Variants in COL25A1 observed in about 807,000 individuals in gnomAD.
The protein encoded by COL25A1 is collagen alpha-1(XXV) chain.
A neutral mutation model predicts 128.4 loss-of-function variants in COL25A1; 103 were observed. That is an observed-to-expected ratio of 0.80 (90% CI 0.68 to 0.94). COL25A1 has a LOEUF of 0.94. Ranked by LOEUF, COL25A1 falls within the 40% of genes least tolerant of loss-of-function variation. The probability of loss-of-function intolerance (pLI) is 0.00; values close to 1 mark genes in which losing one functional copy is unlikely to be tolerated. For missense variants in COL25A1, 745 were observed against 840.0 expected (o/e 0.89, Z 1.40); for synonymous variants, 279 against 277.2 (o/e 1.01, Z -0.06).
intron 3 of COL25A1, among the ~76,000 whole-genome samples, chr4:109,211,319 TA>T (rs1777538792): frequency 7.6e-6 from 1 of 131,496 alleles, no homozygotes. Context: ...TATATATATA[TA>T]TATATATATG....
At chr4:109,010,322 A>G (rs758482431) in intron 6 of COL25A1, 36 bp downstream of exon 6, 4 of 1,540,082 alleles carry the variant, frequency 2.6e-6, no homozygotes, top group African/African-American at 2.8e-5. Flanking sequence ...GAAAATCCTA[A>G]ATTGAAAATA....
At chr4:108,842,431 C>T (rs920864810) in intron 30 of COL25A1, among the ~76,000 whole-genome samples, 4 of 152,152 alleles carry the variant, frequency 2.6e-5, no homozygotes, top group African/African-American at 9.7e-5. Flanking sequence ...TCTAAATATA[C>T]AGACTAGTCA....
chr4:109,118,484 A>G (rs1425848693), intron 3 of COL25A1, among the ~76,000 whole-genome samples: 1 of 152,030 alleles, frequency 6.6e-6, no homozygotes, highest in Non-Finnish European at 1.5e-5. Context: ...TATAATTATT[A>G]CTTGTCAATT....
chr4:109,178,496 A>G (rs1332659704), intron 3 of COL25A1, among the ~76,000 whole-genome samples: 3 of 152,128 alleles, frequency 2.0e-5, no homozygotes, highest in African/African-American at 7.2e-5. Flanking sequence ...AGGACAAACT[A>G]TCTGATCTCT....
Position 108,840,109 on chromosome 4 carries a change from G to T in COL25A1, c.1656+1586C>A, listed in dbSNP as rs374930578. On this transcript the variant is annotated intron_variant, in intron 31 of 37. Transcript: ENST00000399132. The stretch of plus-strand genomic sequence containing the variant: ...ATACAAAAATTAGCCGGGCATGGTG[G>T]TGGGTGCCTGTAATCCCAGCTACTT... Among the ~76,000 whole-genome samples the T allele has an allele frequency of 2.0e-5, 3 of 151,974 alleles. No individual in the cohort carries two copies. In the East Asian group the frequency reaches 5.8e-4, roughly 29 times the overall value.
chr4:108,899,741 A>G (rs1453181627), intron 14 of COL25A1, among the ~76,000 whole-genome samples: 1 of 152,086 alleles, frequency 6.6e-6, no homozygotes. Flanking sequence ...CATGTTCCAG[A>G]TCAGGTCTAT....
chr4:108,940,714 A>G (rs1365376814), intron 9 of COL25A1, 68 bp from the exon 10 acceptor site: 2 of 1,017,512 alleles, frequency 2.0e-6, no homozygotes, highest in Non-Finnish European at 2.9e-6. Flanking sequence ...TCTTTTCAGC[A>G]CCTTAAATTT....
chr4:109,151,192 T>C (rs547943812), intron 3 of COL25A1, among the ~76,000 whole-genome samples: 2 of 152,260 alleles, frequency 1.3e-5, no homozygotes, highest in East Asian at 1.9e-4. Context: ...TTTTATCTTA[T>C]ATGAATTTCC....
At chr4:109,075,421 TAAAG>T (rs1318753337) in intron 3 of COL25A1, among the ~76,000 whole-genome samples, 1 of 152,034 alleles carries the variant, frequency 6.6e-6, no homozygotes, top group African/African-American at 2.4e-5. Context: ...TACTTGGAAT[TAAAG>T]ACAAGACATG....
chr4:108,888,319 C>T (rs573129981), intron 18 of COL25A1, among the ~76,000 whole-genome samples: 1 of 152,226 alleles, frequency 6.6e-6, no homozygotes, highest in East Asian at 1.9e-4. Flanking sequence ...TTCTCTCTTC[C>T]CTTTTCTGCT....
intron 3 of COL25A1, among the ~76,000 whole-genome samples, chr4:109,083,448 A>ATTTTTTTTTTTTTTTTTTT (rs60165291): frequency 2.6e-5 from 2 of 77,010 alleles, no homozygotes; most frequent in Non-Finnish European, 4.9e-5. Context: ...CACTAAATAA[A>ATTTTTTTTTTTTTTTTTTT]TTTTTTTTTT....
intron 6 of COL25A1, among the ~76,000 whole-genome samples, chr4:108,979,703 A>G (rs1474297397): frequency 6.6e-6 from 1 of 152,230 alleles, no homozygotes; most frequent in Admixed American, 6.5e-5. Flanking sequence ...ACCTTTTCTG[A>G]TTAATCTATT....
chr4:108,834,829 AGAG>A (rs1485903215), intron 31 of COL25A1, among the ~76,000 whole-genome samples: 2 of 152,266 alleles, frequency 1.3e-5, no homozygotes, highest in African/African-American at 4.8e-5. Context: ...TTAGCATTTC[AGAG>A]GAGAAGAAAG....
chr4:109,188,165 C>G (rs761373753), intron 3 of COL25A1, among the ~76,000 whole-genome samples: 23 of 152,178 alleles, frequency 1.5e-4, no homozygotes, highest in Non-Finnish European at 3.1e-4. Context: ...CCTCCCCTAC[C>G]ATCTCTTTTT....
chr4:108,989,519 G>A (rs533898939), intron 6 of COL25A1, among the ~76,000 whole-genome samples: 20 of 152,122 alleles, frequency 1.3e-4, no homozygotes, highest in East Asian at 1.9e-4. Context: ...TCAATTCTGC[G>A]TATTTTTTAT....
At chr4:109,176,334 G>A (rs578224461) in intron 3 of COL25A1, among the ~76,000 whole-genome samples, 3 of 152,306 alleles carry the variant, frequency 2.0e-5, no homozygotes, top group Non-Finnish European at 4.4e-5. Context: ...AGATTGCAGT[G>A]AGCCAAGATC....
intron 31 of COL25A1, among the ~76,000 whole-genome samples, chr4:108,835,714 C>T (rs1325753436): frequency 6.6e-6 from 1 of 151,668 alleles, no homozygotes; most frequent in Non-Finnish European, 1.5e-5. Context: ...GCCATCGCAC[C>T]CGGCTAATTT....
chr4:108,906,982 T>C (rs923737559), intron 13 of COL25A1, among the ~76,000 whole-genome samples: 3 of 152,116 alleles, frequency 2.0e-5, no homozygotes, highest in African/African-American at 4.8e-5. Flanking sequence ...GAAAATAATA[T>C]AACTGTCATG....
In COL25A1 at chr4:109,097,541, A is replaced by T. The variant is rs1765505133; in HGVS notation, c.368-47362T>A. Among the ~76,000 whole-genome samples, 4 of 151,864 alleles carry T rather than the reference A, an allele frequency of 2.6e-5. 1 individual carries two copies. The South Asian group carries it at 8.3e-4, about 32-fold the overall frequency. Reference sequence around the variant, plus strand: ...GGTGGGAGGATCACTTGAGCCCAGCAGGCAAAGGTTGCAGTGAGCCCAGAT... The same window carrying T: ...GGTGGGAGGATCACTTGAGCCCAGCTGGCAAAGGTTGCAGTGAGCCCAGAT... On this transcript the variant is annotated intron_variant, in intron 3 of 37. Transcript: ENST00000399132.
Sources: allele counts gnomAD v4.1 joint callset (sites outside exome capture counted in the v4.1 genomes callset), GRCh38; gene constraint gnomAD v4.1.1; transcripts MANE v1.5; gene names NCBI Gene and HGNC (gene_info 2026-07-23, HGNC 2026-07-21).